The following GPC5 variants were observed in gnomAD, a reference collection of about 807,000 sequenced individuals.
GPC5 encodes the protein glypican 5.
GPC5 carries 47 observed loss-of-function variants against 53.9 expected under a neutral mutation model. The observed-to-expected ratio is 0.87, with a 90% CI of 0.69 to 1.11. GPC5 has a LOEUF of 1.11. GPC5 is among the 50% of genes most tolerant of loss of function. GPC5 has a pLI of 0.00. For missense variants in GPC5, 748 were observed against 713.1 expected (o/e 1.05, Z -0.56); for synonymous variants, 286 against 263.3 (o/e 1.09, Z -0.84).
In GPC5 at chr13:91,571,891, GTATATACACATATTGTA is replaced by G. The variant is rs1292158910; in HGVS notation, c.326-121268_326-121252del. Reference sequence around the variant, plus strand: ...TGTATATATACACACATATACGTGTGTATATACACATATTGTATATATACACATATTGTATATATACA... The same window carrying G: ...TGTATATATACACACATATACGTGTGTATATACACATATTGTATATATACA... On this transcript the variant is annotated intron_variant, in intron 2 of 7. Transcript: ENST00000377067. 2.7e-4 allele frequency among the ~76,000 whole-genome samples: 21 copies of G among 77,618 alleles called. 1 individual carries two copies. The highest frequency in any genetic ancestry group is 1.4e-3 in the East Asian group (4 of 2,916). The allele number at this position is 77,618 out of a possible 152,430, so 50.9% of individuals were successfully genotyped here.
chr13:91,850,330 G>A (rs73611652), intron 5 of GPC5, among the ~76,000 whole-genome samples: 4,213 of 152,090 alleles, frequency 0.028, 204 homozygotes, highest in African/African-American at 0.095. Flanking sequence ...GGTGACATTT[G>A]CTAATGTCTG....
chr13:91,966,624 C>T (rs150542483), intron 6 of GPC5, among the ~76,000 whole-genome samples: 3 of 152,250 alleles, frequency 2.0e-5, no homozygotes, highest in African/African-American at 4.8e-5. Context: ...CTGCATCAAT[C>T]AAAACTTATC....
chr13:91,540,543 G>A (rs2029878715), intron 2 of GPC5, among the ~76,000 whole-genome samples: 1 of 152,190 alleles, frequency 6.6e-6, no homozygotes. Context: ...TGATTGTGGT[G>A]ATGGTTACAA....
intron 7 of GPC5, among the ~76,000 whole-genome samples, chr13:92,763,247 A>T (rs767062440): frequency 6.6e-6 from 1 of 151,506 alleles, no homozygotes; most frequent in Non-Finnish European, 1.5e-5. Flanking sequence ...CAAACTTTAT[A>T]GAGTGTCCTT....
At chr13:92,668,512 G>A (rs1594403109) in intron 7 of GPC5, among the ~76,000 whole-genome samples, 1 of 151,990 alleles carries the variant, frequency 6.6e-6, no homozygotes, top group East Asian at 1.9e-4. Context: ...TTAAATAAGA[G>A]ATTACATAAT....
intron 7 of GPC5, among the ~76,000 whole-genome samples, chr13:92,821,464 A>G (rs1229930858): frequency 6.6e-6 from 1 of 151,860 alleles, no homozygotes; most frequent in Non-Finnish European, 1.5e-5. Flanking sequence ...TTTTTCTGCT[A>G]CTCCTCAGTA....
At chr13:91,756,928 C>A (rs534814839) in intron 5 of GPC5, among the ~76,000 whole-genome samples, 1 of 151,656 alleles carries the variant, frequency 6.6e-6, no homozygotes, top group Non-Finnish European at 1.5e-5. Context: ...GAGAGAGAGA[C>A]TATGTAATAG....
At chr13:92,244,707 A>G (rs150217634) in intron 7 of GPC5, among the ~76,000 whole-genome samples, 81 of 152,276 alleles carry the variant, frequency 5.3e-4, no homozygotes, top group African/African-American at 1.9e-3. Flanking sequence ...GATAATTTTT[A>G]ATCATTGTAT....
chr13:91,691,393 A>G (rs906455472), intron 2 of GPC5, among the ~76,000 whole-genome samples: 2 of 152,126 alleles, frequency 1.3e-5, no homozygotes, highest in Admixed American at 1.3e-4. Flanking sequence ...TGATCAGGCC[A>G]TTTGGGGAAA....
intron 7 of GPC5, among the ~76,000 whole-genome samples, chr13:92,768,084 T>G (rs931370051): frequency 2.6e-5 from 4 of 152,218 alleles, no homozygotes; most frequent in Non-Finnish European, 4.4e-5. Context: ...TAAATGAATG[T>G]TAACAAAATG....
chr13:92,315,088 C>A (rs2043170163), intron 7 of GPC5, among the ~76,000 whole-genome samples: 1 of 151,980 alleles, frequency 6.6e-6, no homozygotes, highest in Admixed American at 6.6e-5. Context: ...AGAATAGTGT[C>A]CTCAATTGAG....
Position 92,495,917 on chromosome 13 carries a change from T to G in GPC5, c.1561+350928T>G, listed in dbSNP as rs933352375. ...TGCTTGACATTTAGAGTTAGAGGAA[T>G]TTAAAGTTACGCTAACTCCAATGGT... On this transcript the variant is annotated intron_variant, in intron 7 of 7. Transcript: ENST00000377067. Among the ~76,000 whole-genome samples the G allele has an allele frequency of 2.0e-5, 3 of 152,044 alleles. No homozygotes were observed. In the South Asian group the frequency reaches 6.2e-4, roughly 31 times the overall value.
intron 6 of GPC5, among the ~76,000 whole-genome samples, chr13:92,095,603 C>T (rs1380863651): frequency 2.0e-5 from 3 of 151,932 alleles, no homozygotes; most frequent in African/African-American, 2.4e-5. Flanking sequence ...GGAACCATCT[C>T]GGCTCACTGC....
chr13:91,618,971 A>C (rs527565710), intron 2 of GPC5, among the ~76,000 whole-genome samples: 1 of 152,130 alleles, frequency 6.6e-6, no homozygotes, highest in Non-Finnish European at 1.5e-5. Context: ...TACTACTACT[A>C]TAGCACTACT....
chr13:92,053,138 G>T (rs1162073127), intron 6 of GPC5, among the ~76,000 whole-genome samples: 1 of 152,140 alleles, frequency 6.6e-6, no homozygotes, highest in African/African-American at 2.4e-5. Context: ...CAACACAGAA[G>T]CTGTGGTTGT....
chr13:92,005,537 C>T (rs932834479), intron 6 of GPC5, among the ~76,000 whole-genome samples: 2 of 152,100 alleles, frequency 1.3e-5, no homozygotes, highest in Non-Finnish European at 2.9e-5. Flanking sequence ...CCTTATCCTC[C>T]TCTTATCCCT....
At chr13:91,819,730 G>T (rs1460965369) in intron 5 of GPC5, among the ~76,000 whole-genome samples, 1 of 151,930 alleles carries the variant, frequency 6.6e-6, no homozygotes, top group Non-Finnish European at 1.5e-5. Flanking sequence ...TATAATTGTT[G>T]CACGTGCCTA....
At chr13:91,707,357 C>A (rs1454142324) in intron 3 of GPC5, among the ~76,000 whole-genome samples, 1 of 152,150 alleles carries the variant, frequency 6.6e-6, no homozygotes, top group East Asian at 1.9e-4. Context: ...GACATGATAG[C>A]TCAGCCTGTA....
rs188808321 is a variant in GPC5, at chr13:92,404,675, C to T, written c.1561+259686C>T. ...CTAATTTACAGAAGGAAACTGAGGC[C>T]TATACTGAATGTCTTTCCTGGGGTC... On this transcript the variant is annotated intron_variant, in intron 7 of 7. Coordinates refer to ENST00000377067, the MANE Select transcript of GPC5 (RefSeq NM_004466.6). 5.3e-5 allele frequency among the ~76,000 whole-genome samples: 8 copies of T among 150,722 alleles called. No individual in the cohort carries two copies. The Admixed American group carries it at 5.3e-4, about 10-fold the overall frequency.
Sources: gnomAD v4.1 joint callset for allele counts (sites outside exome capture counted in the v4.1 genomes callset) on GRCh38, gnomAD v4.1.1 for gene constraint, MANE v1.5 for transcripts, NCBI Gene and HGNC (gene_info 2026-07-23, HGNC 2026-07-21) for gene names.